MSL3: variants seen among roughly 807,000 people sequenced by gnomAD.
The protein encoded by MSL3 is MSL complex subunit 3, also known as MSL3-like 1.
In MSL3, 5 loss-of-function variants were observed where a neutral mutation model predicts 37.2. The observed-to-expected ratio is 0.13, with a 90% CI of 0.07 to 0.28. The LOEUF (loss-of-function observed/expected upper bound fraction) is 0.28, where lower values mean the gene tolerates loss of function less well. Among genes scored for constraint, MSL3 ranks in the 10% least tolerant of loss-of-function variants. The probability of loss-of-function intolerance (pLI) is 1.00; values close to 1 mark genes in which losing one functional copy is unlikely to be tolerated. For synonymous variants in MSL3, 149 were observed against 147.6 expected, an observed-to-expected ratio of 1.01 and a Z score of -0.07; for missense variants, 315 against 408.5, an observed-to-expected ratio of 0.77 and a Z score of 1.97.
intron 10 of MSL3, among the ~76,000 whole-genome samples, chrX:11,769,792 G>A (rs1422236714): frequency 9.0e-6 from 1 of 111,596 alleles, no homozygotes; most frequent in Non-Finnish European, 1.9e-5. Context: ...TTTTTGTAGA[G>A]ACTAAGTTTT....
chrX:11,771,985 A>G (rs773341980), intron 10 of MSL3, among the ~76,000 whole-genome samples, 171 bp from the exon 11 acceptor site: 1 of 112,415 alleles, frequency 8.9e-6, no homozygotes, highest in South Asian at 3.6e-4. Context: ...GACTTTCTTG[A>G]TCTATTTTAA....
chrX:11,761,732 A>G (rs2053134405), intron 5 of MSL3, 150 bp downstream of exon 5: 4 of 387,828 alleles, frequency 1.0e-5, no homozygotes, highest in Non-Finnish European at 4.3e-6. Flanking sequence ...AAAGAAAAAC[A>G]ACCCTTATTT....
At position 11,762,316 on chromosome X, in the gene MSL3, A is replaced by G. The variant is rs2053140678; in HGVS notation, c.588+64A>G. On this transcript the variant is annotated intron_variant, in intron 6 of 12. Transcript: ENST00000312196. ...CATTTTCATTTTGCCATAGTTTGCA[A>G]TCATAGACGTAAGCAATAGCGAATC... is the stretch of plus-strand genomic sequence containing the variant. 5.2e-6 allele frequency: 5 copies of G among 967,312 alleles called. No homozygotes were observed. The South Asian group carries it at 1.2e-4, about 23-fold the overall frequency. The allele number at this position is 967,312 out of a possible 1,213,427, so 79.7% of individuals were successfully genotyped here.
At chrX:11,763,351 C>T (rs1018298005) in intron 7 of MSL3, among the ~76,000 whole-genome samples, 5 of 112,536 alleles carry the variant, frequency 4.4e-5, no homozygotes, top group African/African-American at 1.6e-4. Context: ...TCATTCCAGT[C>T]AGAGAAAGCT....
chrX:11,774,834 C>G, intron 12 of MSL3, 146 bp from the exon 13 acceptor site: 1 of 410,738 alleles, frequency 2.4e-6, no homozygotes, highest in African/African-American at 2.6e-5. Context: ...TGAAAATAAT[C>G]AGTATAGAGA....
chrX:11,758,858 G>C, intron 1 of MSL3: 2 of 976,571 alleles, frequency 2.0e-6, no homozygotes, highest in Non-Finnish European at 1.4e-6. Context: ...GCCCCATCCC[G>C]CCTGTAGGCC....
rs1473283572 is a variant in MSL3 at position 11,775,314 on chromosome X, A to G, written c.*235A>G. 8.7e-6 allele frequency: 3 copies of G among 346,530 alleles called. No homozygotes were observed. The highest frequency in any genetic ancestry group is 5.2e-5 in the African/African-American group (2 of 38,179). The allele number at this position is 346,530 out of a possible 1,213,427, so 28.6% of individuals were successfully genotyped here. On this transcript the variant is annotated 3_prime_UTR_variant, in exon 13 of 13. Coordinates refer to ENST00000312196, the MANE Select transcript of MSL3 (RefSeq NM_078629.4). ...ACTTTGCAGGCCATCTGTGATGGCA[A>G]GGAAAAAGCAACTATGTTCACAGTG...
chrX:11,767,166 C>G (rs931971516), intron 9 of MSL3: 1 of 754,165 alleles, frequency 1.3e-6, no homozygotes, highest in Non-Finnish European at 1.6e-6. Flanking sequence ...TGGCATAGTT[C>G]CAGGTGCGTG....
intron 1 of MSL3, chrX:11,759,540 G>A: frequency 1.1e-6 from 1 of 935,293 alleles, no homozygotes; most frequent in East Asian, 4.5e-5. Context: ...CAAATCGGCT[G>A]GCCAATGGCT....
At position 11,765,539 on chromosome X, in the gene MSL3, G is replaced by A. The variant is rs149864545; in HGVS notation, c.981G>A (p.Pro327=). The stretch of plus-strand genomic sequence containing the variant: ...CGCCACAGTCCACAGAGAGTCAGCC[G>A]ACCACCGGTGAACCAGCCACCCCCA... ...PSTPQSTESQ[P]TTGEPATPKR... The change falls in exon 9 of 13, where the codon CCG becomes CCA. Residue 327 remains proline (P), a synonymous_variant. Transcript: ENST00000312196. 1,867 of 1,208,674 alleles carry A rather than the reference G, an allele frequency of 1.5e-3. 16 individuals carry two copies. Among genetic ancestry groups the A allele is most frequent in the Non-Finnish European group, 4.5e-4 (403 of 894,707 alleles).
At chrX:11,761,628 A>G in intron 5 of MSL3, 46 bp downstream of exon 5, 1 of 850,130 alleles carries the variant, frequency 1.2e-6, no homozygotes, top group Non-Finnish European at 1.7e-6. Flanking sequence ...TATATATTTT[A>G]GTGGTAAAAA....
chrX:11,759,715 C>T (rs1036249524), intron 1 of MSL3, 78 bp from the exon 2 acceptor site: 2 of 1,190,485 alleles, frequency 1.7e-6, no homozygotes, highest in African/African-American at 3.5e-5. Context: ...AAAAAAGGGT[C>T]TGTGAATTAG....
intron 12 of MSL3, 137 bp from the exon 13 acceptor site, chrX:11,774,843 G>C: frequency 2.1e-6 from 1 of 465,342 alleles, no homozygotes; most frequent in Non-Finnish European, 3.8e-6. Context: ...TCAGTATAGA[G>C]AGATCAAAAT....
upstream of MSL3, chrX:11,758,227 C>T: frequency 1.2e-6 from 1 of 803,323 alleles, no homozygotes; most frequent in Non-Finnish European, 1.6e-6. Context: ...GCGCGCTCCG[C>T]CCGCCCCGGA....
chrX:11,759,471 C>A, intron 1 of MSL3: 1 of 427,935 alleles, frequency 2.3e-6, no homozygotes, highest in Non-Finnish European at 3.3e-6. Flanking sequence ...CAGGAGACTA[C>A]AACTCCCAGA....
rs2053136888 is a variant in MSL3 at position 11,761,970 on chromosome X, C to T, written c.466-160C>T. Among the ~76,000 whole-genome samples, 3 of 111,957 alleles carry T rather than the reference C, an allele frequency of 2.7e-5. No individual in the cohort carries two copies. The South Asian group carries it at 1.1e-3, about 41-fold the overall frequency. On this transcript the variant is annotated intron_variant, in intron 5 of 12. Coordinates refer to ENST00000312196, the MANE Select transcript of MSL3 (RefSeq NM_078629.4). ...CATATTTGCATTGTGTTTAGTGCCC[C>T]CAAACAAGTTAACTTTTGGCCTTTA...
chrX:11,763,467 C>A (rs2147245355), intron 7 of MSL3, among the ~76,000 whole-genome samples: 1 of 112,908 alleles, frequency 8.9e-6, no homozygotes, highest in Non-Finnish European at 1.9e-5. Context: ...CAACCCGTTT[C>A]AGCTTGCAGT....
intron 10 of MSL3, among the ~76,000 whole-genome samples, chrX:11,769,820 G>T (rs973063692): frequency 8.9e-6 from 1 of 111,912 alleles, no homozygotes; most frequent in Non-Finnish European, 1.9e-5. Flanking sequence ...TGCCCAGCCT[G>T]GTCACCAACT....
intron 9 of MSL3, chrX:11,766,987 G>A: frequency 1.3e-6 from 1 of 754,790 alleles, no homozygotes; most frequent in East Asian, 1.5e-4. Context: ...GACTCCTTCA[G>A]GGGTCCTTCT....
Sources: allele counts gnomAD v4.1 joint callset (sites outside exome capture counted in the v4.1 genomes callset), GRCh38; gene constraint gnomAD v4.1.1; transcripts MANE v1.5; gene names NCBI Gene and HGNC (gene_info 2026-07-23, HGNC 2026-07-21).